NR5A2: variants seen among roughly 807,000 people sequenced by gnomAD.
The protein encoded by NR5A2 is CYP7A promoter-binding factor.
NR5A2 carries 26 observed loss-of-function variants against 62.7 expected under a neutral mutation model. The ratio of observed to expected loss-of-function variants is 0.41; its 90% CI spans 0.30 to 0.58. NR5A2 has a LOEUF of 0.58. Ranked by LOEUF, NR5A2 falls within the 20% of genes least tolerant of loss-of-function variation. NR5A2 has a pLI of 0.22. For missense variants in NR5A2, 541 were observed against 669.1 expected, an observed-to-expected ratio of 0.81 and a Z score of 2.11; for synonymous variants, 246 against 241.7, an observed-to-expected ratio of 1.02 and a Z score of -0.16.
chr1:200,060,939 TAAA>T (rs60736317), intron 5 of NR5A2, among the ~76,000 whole-genome samples: 6 of 87,848 alleles, frequency 6.8e-5, no homozygotes, highest in African/African-American at 1.7e-4. Context: ...CCATCTCTAC[TAAA>T]AAAAAAAAAA....
chr1:200,174,771 ACCCAGTGG>A lies in NR5A2; in HGVS notation c.*562_*569del, dbSNP rs1468335790. 6.6e-6 allele frequency: 1 copy of A among 152,632 alleles called. No homozygotes were observed. Among genetic ancestry groups the A allele is most frequent in the African/African-American group, 2.4e-5 (1 of 41,444 alleles). 9.5% of individuals were successfully genotyped at this position (152,632 alleles called of 1,614,324 possible). On this transcript the variant is annotated 3_prime_UTR_variant, in exon 8 of 8. Transcript: ENST00000367362. ...GTACTAAGGACCTGTGTTCAGCCAC[ACCCAGTGG>A]TAGCTCCACCAAATCATGAACAGCC...
At chr1:200,069,761 T>C (rs2102213003) in intron 5 of NR5A2, among the ~76,000 whole-genome samples, 1 of 152,304 alleles carries the variant, frequency 6.6e-6, no homozygotes, top group South Asian at 2.1e-4. Context: ...ACATTTCCTA[T>C]TTGATTTTAT....
chr1:200,096,353 G>T (rs1413736532), intron 5 of NR5A2, among the ~76,000 whole-genome samples: 3 of 152,150 alleles, frequency 2.0e-5, no homozygotes, highest in Admixed American at 1.3e-4. Context: ...CTCCCAAAGT[G>T]CTGAGATTAC....
intron 2 of NR5A2, among the ~76,000 whole-genome samples, chr1:200,040,438 C>A (rs1662009649): frequency 6.6e-6 from 1 of 152,192 alleles, no homozygotes; most frequent in Admixed American, 6.5e-5. Context: ...TCGTTTATTG[C>A]CCCCTTTTAA....
chr1:200,075,381 T>A (rs966552037), intron 5 of NR5A2, among the ~76,000 whole-genome samples: 1 of 152,344 alleles, frequency 6.6e-6, no homozygotes, highest in African/African-American at 2.4e-5. Context: ...TAATATAGGT[T>A]GATTCAGAAT....
At position 200,048,536 on chromosome 1, in the gene NR5A2, CT is replaced by C; in HGVS notation, c.829del (p.Tyr277IlefsTer8). 1 of 1,614,188 alleles carries C rather than the reference CT, an allele frequency of 6.2e-7. No homozygotes were observed. Among genetic ancestry groups the C allele is most frequent in the Non-Finnish European group, 8.5e-7 (1 of 1,180,040 alleles). ...RAIKSEYPDP[Y>X]TSSPESIMGY... ...CCATCAAGTCTGAGTACCCAGACCC[CT>C]ATACCAGCTCACCCGAGTCCATAAT... On this transcript the variant is annotated frameshift_variant, in exon 5 of 8. Transcript: ENST00000367362. LOFTEE classifies it high-confidence loss of function. The surrounding 1 kb of genome is among the most constrained non-coding windows in gnomAD (Gnocchi z 4.8).
intron 7 of NR5A2, among the ~76,000 whole-genome samples, chr1:200,128,077 C>A (rs1271975203): frequency 6.6e-6 from 1 of 152,048 alleles, no homozygotes; most frequent in Non-Finnish European, 1.5e-5. Flanking sequence ...CACTCAGTTT[C>A]TAAATACCGT....
At chr1:200,034,679 C>G (rs923662151) in intron 1 of NR5A2, among the ~76,000 whole-genome samples, 5 of 151,530 alleles carry the variant, frequency 3.3e-5, no homozygotes, top group African/African-American at 4.9e-5. Flanking sequence ...AACCGCGCCA[C>G]GCCAGATCGA....
rs774942319 is a variant in NR5A2 at position 200,039,740 on chromosome 1, C to T, written c.147C>T (p.Ala49=). 35 of 1,611,416 alleles carry T rather than the reference C, an allele frequency of 2.2e-5. No homozygotes were observed. In the Admixed American group the frequency reaches 5.7e-4, roughly 26 times the overall value. The change falls in exon 2 of 8, where the codon GCC becomes GCT. Residue 49 remains alanine (A), a synonymous_variant. Transcript: ENST00000367362. The surrounding 1 kb of genome is among the most constrained non-coding windows in gnomAD (Gnocchi z 5.1). ...TGCTGCCCAAAGTGGAGACGGAAGC[C>T]CTGGGACTGGCTCGATCGCATGGGG... ...LVMLPKVETE[A]LGLARSHGEQ...
intron 7 of NR5A2, among the ~76,000 whole-genome samples, chr1:200,172,873 G>C (rs1158513053): frequency 6.6e-6 from 1 of 151,894 alleles, no homozygotes; most frequent in East Asian, 1.9e-4. Flanking sequence ...ATTTATTTTT[G>C]TCCAATTAGA....
chr1:200,113,422 C>T (rs1264412770), intron 6 of NR5A2, among the ~76,000 whole-genome samples: 1 of 152,130 alleles, frequency 6.6e-6, no homozygotes, highest in Non-Finnish European at 1.5e-5. Context: ...TTTTCTTTTG[C>T]GGAATATCTA....
chr1:200,035,796 T>A (rs888750911), intron 1 of NR5A2, among the ~76,000 whole-genome samples: 3 of 151,842 alleles, frequency 2.0e-5, no homozygotes, highest in Non-Finnish European at 4.4e-5. Flanking sequence ...CCTGGAGACC[T>A]GTCTCGTCGG....
intron 3 of NR5A2, among the ~76,000 whole-genome samples, chr1:200,045,159 A>G (rs1411811440): frequency 1.3e-5 from 2 of 152,318 alleles, no homozygotes; most frequent in African/African-American, 2.4e-5. Context: ...TTATCTATAT[A>G]GAGTGTATTT....
chr1:200,048,036 T>C lies in NR5A2; in HGVS notation c.464-136T>C, dbSNP rs1030194674. On this transcript the variant is annotated intron_variant, in intron 4 of 7. Coordinates refer to ENST00000367362, the MANE Select transcript of NR5A2 (RefSeq NM_205860.3). The surrounding 1 kb of genome is among the most constrained non-coding windows in gnomAD (Gnocchi z 4.8). Reference sequence around the variant, plus strand: ...GAGGACATGGTTTTTTGGGAAATCTTTGTGGGCTATTGTAACGAAAACAAC... The same window carrying C: ...GAGGACATGGTTTTTTGGGAAATCTCTGTGGGCTATTGTAACGAAAACAAC... 7 of 747,744 alleles carry C rather than the reference T, an allele frequency of 9.4e-6. No individual in the cohort carries two copies. The Admixed American group carries it at 1.5e-4, about 16-fold the overall frequency. The allele number at this position is 747,744 out of a possible 1,614,324, so 46.3% of individuals were successfully genotyped here.
At chr1:200,067,325 G>A (rs994963073) in intron 5 of NR5A2, among the ~76,000 whole-genome samples, 5 of 152,240 alleles carry the variant, frequency 3.3e-5, no homozygotes, top group African/African-American at 1.2e-4. Context: ...GGGAGGCCAA[G>A]GCGGGGAGAT....
chr1:200,029,611 G>A (rs967621909), intron 1 of NR5A2: 1 of 152,386 alleles, frequency 6.6e-6, no homozygotes, highest in Non-Finnish European at 1.5e-5. Flanking sequence ...TAAACCTCAA[G>A]AAAAGTACCG....
Position 200,120,897 on chromosome 1 carries a change from T to C in NR5A2, c.1320T>C (p.Ser440=). The change falls in exon 7 of 8, where the codon TCT becomes TCC. Residue 440 remains serine (S), a synonymous_variant. Coordinates refer to ENST00000367362, the MANE Select transcript of NR5A2 (RefSeq NM_205860.3). ...HAQELVAKLR[S]LQFDQREFVC... ...AGGAGTTAGTGGCAAAACTTCGTTC[T>C]CTCCAGTTTGATCAACGAGAGTTCG... The C allele has an allele frequency of 6.2e-7, 1 of 1,613,132 alleles. No individual in the cohort carries two copies. The highest frequency in any genetic ancestry group is 2.2e-5 in the East Asian group (1 of 44,806).
chr1:200,031,634 A>G (rs1408384489), intron 1 of NR5A2, among the ~76,000 whole-genome samples: 2 of 138,530 alleles, frequency 1.4e-5, no homozygotes, highest in East Asian at 2.1e-4. Flanking sequence ...GCTGGAGTGC[A>G]ATGGCATGAT....
intron 1 of NR5A2, among the ~76,000 whole-genome samples, chr1:200,030,558 C>A (rs776341241): frequency 4.6e-5 from 7 of 152,120 alleles, no homozygotes; most frequent in Non-Finnish European, 8.8e-5. Flanking sequence ...TTCTTTCTCC[C>A]AAGTGGGATG....
Sources: gnomAD v4.1 joint callset for allele counts (sites outside exome capture counted in the v4.1 genomes callset) on GRCh38, gnomAD v4.1.1 for gene constraint, Gnocchi (gnomAD v3.1) non-coding constraint, MANE v1.5 for transcripts, NCBI Gene and HGNC (gene_info 2026-07-23, HGNC 2026-07-21) for gene names.